Variants in SLC25A12 observed in about 807,000 individuals in gnomAD.
SLC25A12 encodes the protein solute carrier family 25 member 12.
Under a neutral mutation model 83.3 loss-of-function variants are expected in SLC25A12, and 32 were observed. The observed-to-expected ratio is 0.38, with a 90% CI of 0.29 to 0.52. The LOEUF (loss-of-function observed/expected upper bound fraction) is 0.52, where lower values mean the gene tolerates loss of function less well. Among genes scored for constraint, SLC25A12 ranks in the 20% least tolerant of loss-of-function variants. The pLI, the probability that SLC25A12 is intolerant of heterozygous loss-of-function variation, is 0.84. For missense variants in SLC25A12, 611 were observed against 835.6 expected (o/e 0.73, Z 3.31); for synonymous variants, 267 against 291.1 (o/e 0.92, Z 0.84).
Position 171,837,149 on chromosome 2 carries a change from G to A in SLC25A12, c.584C>T (p.Thr195Ile). Residue 195 changes from threonine (T) to isoleucine (I), a missense_variant, in exon 6 of 18, where the codon ACT becomes ATT. Thr to Ile is a moderately conservative substitution (Grantham distance 89). Around this residue, in one of 3 missense-constraint regions of SLC25A12, gnomAD observed 540 missense variants for 777.5 expected, o/e 0.69. Transcript: ENST00000422440. Reference protein sequence around the residue: ...IMVTIRSHMLTPFVEENLVSA... With the variant: ...IMVTIRSHMLIPFVEENLVSA... ...AACTAAGTTCTCCTCCACAAAAGGA[G>A]TAAGCATGTGAGATCTAATGGTAAC... The A allele has an allele frequency of 6.2e-7, 1 of 1,614,058 alleles. No homozygotes were observed. Among genetic ancestry groups the A allele is most frequent in the Non-Finnish European group, 8.5e-7 (1 of 1,179,962 alleles).
chr2:171,866,673 GC>G (rs1286823940), intron 3 of SLC25A12, among the ~76,000 whole-genome samples: 1 of 134,098 alleles, frequency 7.5e-6, no homozygotes, highest in Non-Finnish European at 1.6e-5. Context: ...GGGGCGGCTG[GC>G]TGTGCAGAGG....
intron 9 of SLC25A12, among the ~76,000 whole-genome samples, chr2:171,817,215 CCAAA>C (rs531747191): frequency 1.1e-3 from 174 of 152,132 alleles, no homozygotes; most frequent in Non-Finnish European, 2.1e-3. Context: ...TAATAGGAGT[CCAAA>C]CAAAGACAGG....
intron 8 of SLC25A12, among the ~76,000 whole-genome samples, chr2:171,831,574 G>A (rs142859656): frequency 1.5e-4 from 23 of 152,252 alleles, no homozygotes; most frequent in African/African-American, 5.1e-4. Context: ...ATCTAAGCAC[G>A]TCATAGATGG....
At chr2:171,810,330 C>T in intron 11 of SLC25A12, 54 bp from the exon 12 acceptor site, 2 of 1,362,162 alleles carry the variant, frequency 1.5e-6, no homozygotes. Context: ...CATGAATACA[C>T]AAGCCCAGCA....
At position 171,865,916 on chromosome 2, in the gene SLC25A12, A is replaced by G. The variant is rs563329935; in HGVS notation, c.209+2765T>C. Among the ~76,000 whole-genome samples, 47 of 150,358 alleles carry G rather than the reference A, an allele frequency of 3.1e-4. No individual in the cohort carries two copies. In the East Asian group the frequency reaches 8.8e-3, roughly 28 times the overall value. On this transcript the variant is annotated intron_variant, in intron 3 of 17. Transcript: ENST00000422440. The stretch of plus-strand genomic sequence containing the variant: ...GGGGGATTTGGCAGGGTCATAGGAC[A>G]ATAGTGGAGGGAAGGTCAGCAGATA...
At chr2:171,859,411 G>A (rs1456354379) in intron 3 of SLC25A12, among the ~76,000 whole-genome samples, 1 of 152,190 alleles carries the variant, frequency 6.6e-6, no homozygotes, top group Admixed American at 6.5e-5. Context: ...GTTCGAGGCT[G>A]CAATGAGCTG....
intron 13 of SLC25A12, among the ~76,000 whole-genome samples, chr2:171,804,309 G>A (rs569166665): frequency 6.6e-6 from 1 of 152,146 alleles, no homozygotes; most frequent in East Asian, 1.9e-4. Context: ...CCAGGCTGGA[G>A]TGCAGTGGGC....
At chr2:171,840,547 A>C (rs1374183079) in intron 5 of SLC25A12, among the ~76,000 whole-genome samples, 1 of 152,136 alleles carries the variant, frequency 6.6e-6, no homozygotes, top group Non-Finnish European at 1.5e-5. Flanking sequence ...GAGTGCATCC[A>C]TGAAACAAGA....
At chr2:171,785,781 G>C (rs1305740328) in intron 17 of SLC25A12, among the ~76,000 whole-genome samples, 1 of 152,180 alleles carries the variant, frequency 6.6e-6, no homozygotes, top group Non-Finnish European at 1.5e-5. Context: ...TCTCTGGGTA[G>C]TAAGATTATG....
At chr2:171,801,658 C>T (rs1683709750) in intron 13 of SLC25A12, among the ~76,000 whole-genome samples, 1 of 152,120 alleles carries the variant, frequency 6.6e-6, no homozygotes, top group Non-Finnish European at 1.5e-5. Context: ...GCCTGTTTTT[C>T]ACTTTCAGTA....
At chr2:171,830,416 T>C (rs1326790214) in intron 8 of SLC25A12, among the ~76,000 whole-genome samples, 1 of 152,240 alleles carries the variant, frequency 6.6e-6, no homozygotes, top group Non-Finnish European at 1.5e-5. Flanking sequence ...GACTGCAGTT[T>C]CTTAGGTGTG....
chr2:171,848,001 T>C (rs900183283), intron 4 of SLC25A12, among the ~76,000 whole-genome samples: 3 of 152,208 alleles, frequency 2.0e-5, no homozygotes, highest in Non-Finnish European at 4.4e-5. Context: ...ATGATTGGAC[T>C]AGATGAAATA....
At chr2:171,867,560 G>A (rs1187474990) in intron 3 of SLC25A12, among the ~76,000 whole-genome samples, 1 of 152,186 alleles carries the variant, frequency 6.6e-6, no homozygotes, top group Non-Finnish European at 1.5e-5. Context: ...GCAGTGAGCC[G>A]AGATGGCAGC....
intron 6 of SLC25A12, among the ~76,000 whole-genome samples, chr2:171,835,300 A>G (rs1189287258): frequency 6.6e-6 from 1 of 152,228 alleles, no homozygotes; most frequent in Non-Finnish European, 1.5e-5. Context: ...CCAACTGATG[A>G]CTTTAAATTT....
chr2:171,844,310 A>G, intron 5 of SLC25A12, 59 bp downstream of exon 5: 2 of 1,548,156 alleles, frequency 1.3e-6, no homozygotes, highest in Non-Finnish European at 1.8e-6. Flanking sequence ...TAATAAATAC[A>G]AAGCGAAGGA....
intron 8 of SLC25A12, 101 bp downstream of exon 8, chr2:171,833,862 A>G: frequency 1.3e-6 from 1 of 746,918 alleles, no homozygotes; most frequent in Non-Finnish European, 2.4e-6. Flanking sequence ...ATTCAAATAC[A>G]TGGAAAAAAC....
intron 13 of SLC25A12, among the ~76,000 whole-genome samples, chr2:171,805,497 A>C (rs987253711): frequency 1.3e-5 from 2 of 152,244 alleles, no homozygotes; most frequent in Admixed American, 1.3e-4. Flanking sequence ...GAAAACCTAT[A>C]TCAAGTGTGA....
rs927266622 is a variant in SLC25A12, at chr2:171,813,471, T to C, written c.1039A>G (p.Ile347Val). The change falls in exon 11 of 18, where the codon ATA (isoleucine) becomes GTA (valine). Residue 347 changes from isoleucine (I) to valine (V), a missense_variant. Physicochemically the swap from Ile to Val is conservative, Grantham distance 29 (BLOSUM62 3). This residue lies in a region of SLC25A12 where 540 missense variants were observed against 777.5 expected (regional missense o/e 0.69). Coordinates refer to ENST00000422440, the MANE Select transcript of SLC25A12 (RefSeq NM_003705.5). Reference protein sequence around the residue: ...GAVGATAVYPIDLVKTRMQNQ... With the variant: ...GAVGATAVYPVDLVKTRMQNQ... ...TGCATTCGGGTCTTCACCAGATCTA[T>C]AGGATACACTGCAGTGGCTCCCACA... is the stretch of plus-strand genomic sequence containing the variant. 7.4e-6 allele frequency: 12 copies of C among 1,614,042 alleles called. No homozygotes were observed. In the East Asian group the frequency reaches 1.1e-4, roughly 15 times the overall value.
At chr2:171,873,197 C>T (rs533107414) in intron 2 of SLC25A12, among the ~76,000 whole-genome samples, 56 of 152,260 alleles carry the variant, frequency 3.7e-4, no homozygotes, top group Admixed American at 3.3e-3. Context: ...ACCTGTAATC[C>T]CAGCACTTTG....
Sources: allele counts gnomAD v4.1 joint callset (sites outside exome capture counted in the v4.1 genomes callset), GRCh38; gene constraint gnomAD v4.1.1; regional missense constraint gnomAD v4.1.1; transcripts MANE v1.5; gene names NCBI Gene and HGNC (gene_info 2026-07-23, HGNC 2026-07-21).